The following CSMD1 variants were observed in gnomAD, a reference collection of about 807,000 sequenced individuals.
The protein encoded by CSMD1 is CUB and sushi domain-containing protein 1.
In CSMD1, 213 loss-of-function variants were observed where a neutral mutation model predicts 417.5. That is an observed-to-expected ratio of 0.51 (90% CI 0.46 to 0.57). The LOEUF (loss-of-function observed/expected upper bound fraction) is 0.57. Among genes scored for constraint, CSMD1 ranks in the 20% least tolerant of loss-of-function variants. The probability of loss-of-function intolerance (pLI) is 0.00; values close to 1 mark genes in which losing one functional copy is unlikely to be tolerated. For synonymous variants in CSMD1, 2,862 were observed against 1,736.8 expected, an observed-to-expected ratio of 1.65 and a Z score of -16.11; for missense variants, 6,923 against 4,529.7, an observed-to-expected ratio of 1.53 and a Z score of -15.17.
chr8:3,730,940 C>A (rs1585147513), intron 6 of CSMD1, among the ~76,000 whole-genome samples: 1 of 152,132 alleles, frequency 6.6e-6, no homozygotes, highest in Non-Finnish European at 1.5e-5. Flanking sequence ...CCAAAGGTTG[C>A]TTTTGTAAAA....
At chr8:4,947,766 C>T (rs1361908613) in intron 1 of CSMD1, among the ~76,000 whole-genome samples, 1 of 151,974 alleles carries the variant, frequency 6.6e-6, no homozygotes, top group South Asian at 2.1e-4. Context: ...TAGTGTCCTA[C>T]TTGAATTTGC....
At chr8:4,613,860 C>CCA (rs371307252) in intron 2 of CSMD1, among the ~76,000 whole-genome samples, 3 of 123,646 alleles carry the variant, frequency 2.4e-5, no homozygotes, top group Middle Eastern at 8.8e-3. Flanking sequence ...TGTCTAATGC[C>CCA]AAAAAAAAAA....
intron 7 of CSMD1, among the ~76,000 whole-genome samples, chr8:3,645,323 T>G (rs1414834206): frequency 1.3e-5 from 2 of 152,174 alleles, no homozygotes; most frequent in Admixed American, 6.5e-5. Context: ...CAGCTGCAAT[T>G]AAAACCTTCT....
At chr8:4,402,492 C>T (rs558031776) in intron 3 of CSMD1, among the ~76,000 whole-genome samples, 3 of 152,242 alleles carry the variant, frequency 2.0e-5, no homozygotes, top group South Asian at 4.2e-4. Flanking sequence ...CATGACCACT[C>T]CTCTCCCAAG....
intron 11 of CSMD1, among the ~76,000 whole-genome samples, chr8:3,483,439 AACAG>A (rs775403399): frequency 5.5e-4 from 84 of 152,048 alleles, no homozygotes; most frequent in Non-Finnish European, 8.5e-4. Flanking sequence ...ACCAAGATAA[AACAG>A]ACAATCTAAA....
Position 3,104,757 on chromosome 8 carries a change from G to T in CSMD1, c.6949+1771C>A, listed in dbSNP as rs554099923. Among the ~76,000 whole-genome samples the T allele has an allele frequency of 2.0e-5, 3 of 149,886 alleles. No individual in the cohort carries two copies. The South Asian group carries it at 6.3e-4, about 31-fold the overall frequency. The stretch of plus-strand genomic sequence containing the variant: ...GAGTTTTGCTGTGTCTCCCAGGCTG[G>T]AGAGCAATGGCAAGATCTCGGCTCA... On this transcript the variant is annotated intron_variant, in intron 46 of 69. Transcript: ENST00000635120.
At chr8:4,796,361 G>C (rs925922839) in intron 1 of CSMD1, among the ~76,000 whole-genome samples, 1 of 152,052 alleles carries the variant, frequency 6.6e-6, no homozygotes, top group Non-Finnish European at 1.5e-5. Context: ...GCCAGACCCA[G>C]CTTTATAAAG....
chr8:4,037,418 G>C (rs886606745), intron 3 of CSMD1, among the ~76,000 whole-genome samples: 2 of 152,180 alleles, frequency 1.3e-5, no homozygotes, highest in African/African-American at 2.4e-5. Flanking sequence ...AGAGAATAAA[G>C]AGGATGTCTA....
At chr8:4,097,441 A>G (rs764387053) in intron 3 of CSMD1, among the ~76,000 whole-genome samples, 4 of 152,246 alleles carry the variant, frequency 2.6e-5, no homozygotes, top group African/African-American at 7.2e-5. Flanking sequence ...TAAATAAAGC[A>G]TCTTTCATTA....
At chr8:4,728,933 C>T (rs533230574) in intron 1 of CSMD1, among the ~76,000 whole-genome samples, 1 of 152,212 alleles carries the variant, frequency 6.6e-6, no homozygotes, top group African/African-American at 2.4e-5. Context: ...GTTAAGGTAA[C>T]CTGCCAGACG....
intron 3 of CSMD1, among the ~76,000 whole-genome samples, chr8:4,039,308 C>G (rs1334959067): frequency 6.6e-6 from 1 of 152,066 alleles, no homozygotes; most frequent in Non-Finnish European, 1.5e-5. Context: ...CTATGTAAAC[C>G]AACGATATCA....
chr8:4,080,746 T>G (rs1420826998), intron 3 of CSMD1, among the ~76,000 whole-genome samples: 1 of 152,184 alleles, frequency 6.6e-6, no homozygotes, highest in African/African-American at 2.4e-5. Flanking sequence ...AATGTTTCAT[T>G]TTAATATAAG....
chr8:3,163,166 G>C (rs894472619), intron 37 of CSMD1, among the ~76,000 whole-genome samples: 9 of 152,196 alleles, frequency 5.9e-5, no homozygotes, highest in African/African-American at 2.2e-4. Flanking sequence ...AAATGCATTT[G>C]AAATGGTGCT....
chr8:3,663,966 C>T (rs916172488), intron 7 of CSMD1, among the ~76,000 whole-genome samples: 1 of 152,176 alleles, frequency 6.6e-6, no homozygotes, highest in African/African-American at 2.4e-5. Context: ...TTTGTTCAAA[C>T]ATTACTAAAT....
chr8:4,933,197 C>T (rs1377103180), intron 1 of CSMD1, among the ~76,000 whole-genome samples: 2 of 151,802 alleles, frequency 1.3e-5, no homozygotes, highest in African/African-American at 2.4e-5. Flanking sequence ...TTGCTCCCTC[C>T]CTCTCTTCTG....
intron 1 of CSMD1, among the ~76,000 whole-genome samples, chr8:4,841,086 T>C (rs979773052): frequency 7.2e-5 from 11 of 152,232 alleles, no homozygotes; most frequent in African/African-American, 2.7e-4. Context: ...GAGCACCTGC[T>C]CTAAAGGATC....
chr8:4,135,715 T>C (rs1043902446), intron 3 of CSMD1, among the ~76,000 whole-genome samples: 10 of 152,158 alleles, frequency 6.6e-5, no homozygotes, highest in Admixed American at 5.2e-4. Context: ...TGTAATAATA[T>C]AATTCAGTCA....
At chr8:3,399,756 G>C (rs577326800) in intron 15 of CSMD1, among the ~76,000 whole-genome samples, 1 of 152,274 alleles carries the variant, frequency 6.6e-6, no homozygotes, top group Admixed American at 6.5e-5. Flanking sequence ...TTTTTCTCTA[G>C]TAATGGTAAT....
intron 1 of CSMD1, among the ~76,000 whole-genome samples, chr8:4,914,500 C>G (rs145463899): frequency 1.3e-5 from 2 of 150,706 alleles, no homozygotes; most frequent in African/African-American, 2.4e-5. Context: ...ATGGCGTGAA[C>G]CTGGGATGCG....
Sources: gnomAD v4.1 joint callset for allele counts (sites outside exome capture counted in the v4.1 genomes callset) on GRCh38, gnomAD v4.1.1 for gene constraint, MANE v1.5 for transcripts, NCBI Gene and HGNC (gene_info 2026-07-23, HGNC 2026-07-21) for gene names.